Variants in ASB4 observed in about 807,000 individuals in gnomAD.
The protein encoded by ASB4 is ankyrin repeat and SOCS box protein 4.
Under a neutral mutation model 38.6 loss-of-function variants are expected in ASB4, and 35 were observed. The ratio of observed to expected loss-of-function variants is 0.91; its 90% CI spans 0.69 to 1.20. The LOEUF (loss-of-function observed/expected upper bound fraction) is 1.20, where lower values mean the gene tolerates loss of function less well. ASB4 is among the 50% of genes most tolerant of loss of function. ASB4 has a pLI of 0.00. For synonymous variants in ASB4, 195 were observed against 201.3 expected (o/e 0.97, Z 0.26); for missense variants, 557 against 527.2 (o/e 1.06, Z -0.55).
intron 2 of ASB4, among the ~76,000 whole-genome samples, chr7:95,515,267 C>CTTT (rs1554349263): frequency 2.8e-5 from 2 of 72,540 alleles, no homozygotes; most frequent in Non-Finnish European, 5.8e-5. Context: ...TTCTTTCTTT[C>CTTT]TCTTTCTTTC....
At chr7:95,550,116 A>G in the ASB4 span, among the ~76,000 whole-genome samples, 3 of 152,218 alleles carry the variant, frequency 2.0e-5, no homozygotes, top group Non-Finnish European at 4.4e-5. Context: ...GTTTACAGGA[A>G]CATCCAGGTT....
intron 2 of ASB4, among the ~76,000 whole-genome samples, chr7:95,504,186 C>T (rs576715424): frequency 2.2e-4 from 34 of 152,320 alleles, no homozygotes; most frequent in Admixed American, 1.9e-3. Context: ...CCGCTTTACT[C>T]TGCATGAAGC....
In ASB4 at chr7:95,537,670, A is replaced by G; in HGVS notation, c.1192A>G (p.Asn398Asp). Residue 398 changes from asparagine to aspartate, a missense_variant, in exon 5 of 5, where the codon AAC becomes GAC. Transcript: ENST00000325885. ...SRCAIRRTLH[N>D]RCHRAIPLLS... ...ATGTGCCATTAGAAGAACATTACACAACAGATGCCATAGAGCAATTCCTTT... is the reference window on the plus strand; with the variant it reads ...ATGTGCCATTAGAAGAACATTACACGACAGATGCCATAGAGCAATTCCTTT... The G allele has an allele frequency of 6.2e-7, 1 of 1,613,986 alleles. No homozygotes were observed. The highest frequency in any genetic ancestry group is 8.5e-7 in the Non-Finnish European group (1 of 1,179,870).
chr7:95,516,721 T>A (rs968766919), intron 2 of ASB4, among the ~76,000 whole-genome samples: 1 of 152,230 alleles, frequency 6.6e-6, no homozygotes, highest in Non-Finnish European at 1.5e-5. Context: ...AATAAGCATT[T>A]ATAAAGCCGA....
At chr7:95,506,531 T>C (rs888717372) in intron 2 of ASB4, among the ~76,000 whole-genome samples, 6 of 152,070 alleles carry the variant, frequency 3.9e-5, no homozygotes, top group African/African-American at 1.5e-4. Context: ...CGACTTAGAG[T>C]AGAATTCTAG....
chr7:95,494,337 C>T (rs191123043), intron 1 of ASB4, among the ~76,000 whole-genome samples: 73 of 152,284 alleles, frequency 4.8e-4, no homozygotes, highest in African/African-American at 1.6e-3. Context: ...GTTTACTTCT[C>T]TTGTTCTGGA....
upstream of ASB4, among the ~76,000 whole-genome samples, chr7:95,477,093 G>T (rs1365991614): frequency 6.6e-6 from 1 of 151,962 alleles, no homozygotes; most frequent in East Asian, 1.9e-4. Context: ...CGTTTTATCC[G>T]CATTGGCTTG....
chr7:95,508,651 G>A (rs2116612220), intron 2 of ASB4, among the ~76,000 whole-genome samples: 1 of 152,284 alleles, frequency 6.6e-6, no homozygotes, highest in Non-Finnish European at 1.5e-5. Context: ...CAGGCACTGA[G>A]ACAGCAGATA....
intron 1 of ASB4, among the ~76,000 whole-genome samples, chr7:95,493,838 T>A (rs1025307214): frequency 6.6e-6 from 1 of 152,214 alleles, no homozygotes; most frequent in African/African-American, 2.4e-5. Context: ...TCTTTCCATT[T>A]CAGTCTATAT....
intron 2 of ASB4, among the ~76,000 whole-genome samples, chr7:95,515,215 TTCTTTCTTTCTTTCTTTTTCTTTC>T (rs1562817002): frequency 2.3e-5 from 3 of 132,370 alleles, no homozygotes; most frequent in African/African-American, 9.5e-5. Context: ...CTTTCTTTCT[TTCTTTCTTTCTTTCTTTTTCTTTC>T]TTTCTTTCTT....
At chr7:95,527,670 G>A in intron 2 of ASB4, 143 bp from the exon 3 acceptor site, 1 of 824,532 alleles carries the variant, frequency 1.2e-6, no homozygotes, top group Non-Finnish European at 1.8e-6. Flanking sequence ...AGAGAGCCTG[G>A]GGGCAAAGGG....
downstream of ASB4, among the ~76,000 whole-genome samples, chr7:95,541,582 G>A (rs528121126): frequency 5.9e-5 from 9 of 152,286 alleles, no homozygotes; most frequent in East Asian, 7.7e-4. Flanking sequence ...TTGAGATAGG[G>A]AGTAGGGATA....
upstream of ASB4, among the ~76,000 whole-genome samples, chr7:95,485,374 G>A (rs573815088): frequency 5.1e-4 from 78 of 152,048 alleles, no homozygotes; most frequent in African/African-American, 1.1e-3. Context: ...GCCCCGGACC[G>A]TCTCCCCACC....
At chr7:95,543,915 C>T (rs914735043), downstream of ASB4, 5 of 152,076 alleles carry the variant, frequency 3.3e-5, no homozygotes, top group East Asian at 1.9e-4. Context: ...AACCATGTAA[C>T]ATTTACAGGG....
chr7:95,489,340 ATC>A (rs1176768228), intron 1 of ASB4, among the ~76,000 whole-genome samples: 9 of 152,326 alleles, frequency 5.9e-5, no homozygotes, highest in Non-Finnish European at 1.2e-4. Context: ...CACTGGGCCC[ATC>A]TCATTGAATA....
chr7:95,497,926 C>T (rs1238071933), intron 2 of ASB4, among the ~76,000 whole-genome samples: 1 of 152,158 alleles, frequency 6.6e-6, no homozygotes, highest in Non-Finnish European at 1.5e-5. Context: ...ATCTACCCCC[C>T]AGTAGAGGGA....
At chr7:95,507,905 G>C (rs2116611138) in intron 2 of ASB4, among the ~76,000 whole-genome samples, 1 of 152,278 alleles carries the variant, frequency 6.6e-6, no homozygotes, top group Non-Finnish European at 1.5e-5. Context: ...TGGAACTGAA[G>C]ATTATACCAA....
chr7:95,550,323 GTTTTCCAAGCCC>G, the ASB4 span, among the ~76,000 whole-genome samples: 1,754 of 152,220 alleles, frequency 0.012, 21 homozygotes, highest in Middle Eastern at 0.037. Context: ...ACACAAACAT[GTTTTCCAAGCCC>G]TTTATACACT....
At chr7:95,519,812 AGGACT>A (rs781654155) in intron 2 of ASB4, among the ~76,000 whole-genome samples, 64 of 152,130 alleles carry the variant, frequency 4.2e-4, no homozygotes, top group Admixed American at 4.6e-4. Flanking sequence ...CATGCATTTG[AGGACT>A]GGAGTTAAAA....
Sources: allele counts gnomAD v4.1 joint callset (sites outside exome capture counted in the v4.1 genomes callset), GRCh38; gene constraint gnomAD v4.1.1; transcripts MANE v1.5; gene names NCBI Gene and HGNC (gene_info 2026-07-23, HGNC 2026-07-21).